MLIP: variants seen among roughly 807,000 people sequenced by gnomAD.
MLIP encodes the protein muscular LMNA-interacting protein.
Under a neutral mutation model 84.8 loss-of-function variants are expected in MLIP, and 79 were observed. That is an observed-to-expected ratio of 0.93 (90% confidence interval 0.78 to 1.12). The LOEUF (loss-of-function observed/expected upper bound fraction) is 1.12, where lower values mean the gene tolerates loss of function less well. Among genes scored for constraint, MLIP ranks in the 50% most tolerant of loss-of-function variants. The pLI, the probability that MLIP is intolerant of heterozygous loss-of-function variation, is 0.00. For synonymous variants in MLIP, 504 were observed against 463.0 expected (o/e 1.09, Z -1.14); for missense variants, 1,257 against 1,160.6 (o/e 1.08, Z -1.21).
At chr6:54,238,882 T>C (rs1042410407) in intron 12 of MLIP, among the ~76,000 whole-genome samples, 1 of 152,238 alleles carries the variant, frequency 6.6e-6, no homozygotes, top group Non-Finnish European at 1.5e-5. Flanking sequence ...CTTTTAGTTT[T>C]CTAAAAATGC....
chr6:54,025,657 A>T (rs548701640), intron 1 of MLIP, among the ~76,000 whole-genome samples: 1 of 152,218 alleles, frequency 6.6e-6, no homozygotes, highest in South Asian at 2.1e-4. Flanking sequence ...TCAACTGATA[A>T]AGTTGCCTTA....
At chr6:54,145,824 A>T (rs1200239985) in intron 4 of MLIP, among the ~76,000 whole-genome samples, 1 of 151,680 alleles carries the variant, frequency 6.6e-6, no homozygotes, top group East Asian at 1.9e-4. Flanking sequence ...AAGAGAAAAA[A>T]TTTCTTGAAT....
At position 54,202,119 on chromosome 6, in the gene MLIP, A is replaced by T. The variant is rs751693221; in HGVS notation, c.2604A>T (p.Val868=). The T allele has an allele frequency of 6.3e-7, 1 of 1,588,084 alleles. No individual in the cohort carries two copies. The highest frequency in any genetic ancestry group is 2.3e-5 in the East Asian group (1 of 44,196). ...CATTCATGAAGACTAAGCCTGGAGT[A>T]ATTCGCCCAGTACCTGTAAAATCCA... ...VSESQLTKPG[V]IRPVPVKSRI... The change falls in exon 11 of 14, where the codon GTA becomes GTT. Residue 868 remains valine (V), a synonymous_variant. Coordinates refer to ENST00000502396, the MANE Select transcript of MLIP (RefSeq NM_001281747.2).
chr6:54,199,240 C>T (rs1778507720), intron 10 of MLIP, among the ~76,000 whole-genome samples: 1 of 152,018 alleles, frequency 6.6e-6, no homozygotes, highest in Non-Finnish European at 1.5e-5. Flanking sequence ...GTCTCTCTTC[C>T]TCCCTGGAAT....
At chr6:54,032,999 T>A (rs935006095) in intron 1 of MLIP, among the ~76,000 whole-genome samples, 2 of 152,226 alleles carry the variant, frequency 1.3e-5, no homozygotes, top group African/African-American at 2.4e-5. Context: ...ACTATTGATG[T>A]TTTGATCCAG....
chr6:54,263,470 T>C (rs574011373), intron 13 of MLIP, among the ~76,000 whole-genome samples: 2 of 152,104 alleles, frequency 1.3e-5, no homozygotes, highest in African/African-American at 4.8e-5. Flanking sequence ...TTTAATCATA[T>C]TATGATACAC....
chr6:54,080,352 T>C (rs1767057679), intron 1 of MLIP, among the ~76,000 whole-genome samples: 1 of 152,090 alleles, frequency 6.6e-6, no homozygotes, highest in Non-Finnish European at 1.5e-5. Flanking sequence ...ACATATAGAC[T>C]CCATCTTCAC....
intron 1 of MLIP, among the ~76,000 whole-genome samples, chr6:54,026,224 A>G (rs1436674914): frequency 7.2e-5 from 11 of 152,166 alleles, no homozygotes; most frequent in Admixed American, 7.2e-4. Flanking sequence ...ATCTCTCTGC[A>G]TCAGATATTA....
In MLIP at chr6:54,172,732, A is replaced by T. The variant is rs552659256; in HGVS notation, c.2544+3160A>T. ...GAAAAAAAAAAAGAAAAAAATAAAC[A>T]AAGAAAATCAACTCAAAATAATGTT... On this transcript the variant is annotated intron_variant, in intron 9 of 13. Coordinates refer to ENST00000502396, the MANE Select transcript of MLIP (RefSeq NM_001281747.2). Among the ~76,000 whole-genome samples, 327 of 151,614 alleles carry T rather than the reference A, an allele frequency of 2.2e-3. 1 individual carries two copies. Among genetic ancestry groups the T allele is most frequent in the African/African-American group, 5.8e-3 (239 of 41,496 alleles).
At chr6:54,096,363 G>T (rs1768213654) in intron 1 of MLIP, among the ~76,000 whole-genome samples, 1 of 152,178 alleles carries the variant, frequency 6.6e-6, no homozygotes, top group African/African-American at 2.4e-5. Flanking sequence ...TGCTGACATA[G>T]TATGGTAGAC....
At chr6:54,062,069 C>T (rs9283918) in intron 1 of MLIP, among the ~76,000 whole-genome samples, 10,730 of 152,208 alleles carry the variant, frequency 0.07, 617 homozygotes, top group East Asian at 0.33. Flanking sequence ...ACATTAGACA[C>T]CTTTGTGATA....
At chr6:54,031,958 AT>A (rs1430106041) in intron 1 of MLIP, among the ~76,000 whole-genome samples, 2 of 152,160 alleles carry the variant, frequency 1.3e-5, no homozygotes, top group East Asian at 3.9e-4. Context: ...AGATTTTGTC[AT>A]TGGAAAAGCA....
intron 1 of MLIP, among the ~76,000 whole-genome samples, chr6:54,113,703 G>A (rs901136756): frequency 6.6e-6 from 1 of 152,032 alleles, no homozygotes; most frequent in Non-Finnish European, 1.5e-5. Context: ...AGAATCATCT[G>A]GAATTATCAT....
rs987834237 is a variant in MLIP at position 54,142,290 on chromosome 6, A to G, written c.2217+4004A>G. ...TTCTTTGGTGGAAGAGAAACAATCA[A>G]TAATAACCCCTCCAAATAAGTAAAT... is the stretch of plus-strand genomic sequence containing the variant. On this transcript the variant is annotated intron_variant, in intron 4 of 13. Transcript: ENST00000502396. Among the ~76,000 whole-genome samples the G allele has an allele frequency of 5.3e-5, 8 of 152,362 alleles. No homozygotes were observed. The East Asian group carries it at 5.8e-4, about 11-fold the overall frequency.
At chr6:54,263,447 A>T (rs1783509820) in intron 13 of MLIP, among the ~76,000 whole-genome samples, 1 of 152,120 alleles carries the variant, frequency 6.6e-6, no homozygotes. Context: ...GGAAAAAAAA[A>T]GAACATGCAG....
At chr6:54,214,984 C>T (rs1779748509) in intron 11 of MLIP, among the ~76,000 whole-genome samples, 1 of 152,176 alleles carries the variant, frequency 6.6e-6, no homozygotes, top group East Asian at 1.9e-4. Flanking sequence ...GGTGATTCCC[C>T]AGGAAATAAA....
chr6:54,023,369 C>T (rs892603770), intron 1 of MLIP, among the ~76,000 whole-genome samples: 1 of 151,520 alleles, frequency 6.6e-6, no homozygotes, highest in African/African-American at 2.4e-5. Context: ...TCTTTAACAG[C>T]ATATATCTAA....
chr6:54,230,612 A>T, intron 11 of MLIP, 102 bp from the exon 12 acceptor site: 1 of 989,766 alleles, frequency 1.0e-6, no homozygotes, highest in Non-Finnish European at 1.6e-6. Context: ...TTGTCTTCTT[A>T]CTGGTAAGAG....
chr6:54,094,915 C>A (rs1768107047), intron 1 of MLIP, among the ~76,000 whole-genome samples: 1 of 152,150 alleles, frequency 6.6e-6, no homozygotes, highest in South Asian at 2.1e-4. Context: ...GACTTTCTGA[C>A]AAGGCCTTCT....
Sources: allele counts gnomAD v4.1 joint callset (sites outside exome capture counted in the v4.1 genomes callset), GRCh38; gene constraint gnomAD v4.1.1; transcripts MANE v1.5; gene names NCBI Gene and HGNC (gene_info 2026-07-23, HGNC 2026-07-21).